The following CNTNAP2 variants were observed in gnomAD, a reference collection of about 807,000 sequenced individuals.
CNTNAP2 encodes the protein contactin-associated protein-like 2.
In CNTNAP2, 98 loss-of-function variants were observed where a neutral mutation model predicts 155.2. The ratio of observed to expected loss-of-function variants is 0.63; its 90% CI spans 0.54 to 0.75. CNTNAP2 has a LOEUF of 0.75. Ranked by LOEUF, CNTNAP2 falls within the 30% of genes least tolerant of loss-of-function variation. The pLI is 0.00. For synonymous variants in CNTNAP2, 651 were observed against 631.2 expected, an observed-to-expected ratio of 1.03 and a Z score of -0.47; for missense variants, 1,727 against 1,688.1, an observed-to-expected ratio of 1.02 and a Z score of -0.40.
intron 1 of CNTNAP2, among the ~76,000 whole-genome samples, chr7:146,138,180 A>T (rs966465380): frequency 1.3e-5 from 2 of 152,098 alleles, no homozygotes; most frequent in African/African-American, 2.4e-5. Flanking sequence ...TGTTATTTTA[A>T]CATTTTTTGT....
intron 10 of CNTNAP2, among the ~76,000 whole-genome samples, chr7:147,473,923 T>G (rs7781051): frequency 0.78 from 118,166 of 151,588 alleles, 46,415 homozygotes; most frequent in African/African-American, 0.87. Context: ...CTACTAAAAA[T>G]TCAAAATCAG....
chr7:147,360,622 C>T (rs1328177699), intron 9 of CNTNAP2, among the ~76,000 whole-genome samples: 1 of 151,716 alleles, frequency 6.6e-6, no homozygotes, highest in Non-Finnish European at 1.5e-5. Flanking sequence ...TCCTTTCTAC[C>T]ATAAATATTT....
rs141732803 is a variant in CNTNAP2, at chr7:147,837,106, G to A, written c.2099-66459G>A. On this transcript the variant is annotated intron_variant, in intron 13 of 23. Coordinates refer to ENST00000361727, the MANE Select transcript of CNTNAP2 (RefSeq NM_014141.6). Reference sequence around the variant, plus strand: ...ATAATCAATAAGCATGTTGGGTACCGTATTAGTCCATTTTCATGCTGCTAA... The same window carrying A: ...ATAATCAATAAGCATGTTGGGTACCATATTAGTCCATTTTCATGCTGCTAA... Among the ~76,000 whole-genome samples, 156 of 152,250 alleles carry A rather than the reference G, an allele frequency of 1.0e-3. 1 individual carries two copies. Among genetic ancestry groups the A allele is most frequent in the Admixed American group, 1.3e-3 (20 of 15,298 alleles).
In CNTNAP2 at chr7:148,364,337, G is replaced by C. The variant is rs1045531962; in HGVS notation, c.3476-19312G>C. ...CAGGGATTGTAAATACACCAATCGG[G>C]ACTCTATATCTAGCTCAAGGTTTGT... On this transcript the variant is annotated intron_variant, in intron 21 of 23. Transcript: ENST00000361727. 1.8e-4 allele frequency among the ~76,000 whole-genome samples: 28 copies of C among 151,956 alleles called. 1 individual carries two copies. The highest frequency in any genetic ancestry group is 4.1e-4 in the Non-Finnish European group (28 of 67,978).
chr7:147,762,053 C>T (rs1032032466), intron 13 of CNTNAP2, among the ~76,000 whole-genome samples: 6 of 152,030 alleles, frequency 3.9e-5, no homozygotes, highest in Admixed American at 6.5e-5. Context: ...CTTAGAATTT[C>T]CATCATAGTC....
intron 3 of CNTNAP2, among the ~76,000 whole-genome samples, chr7:146,870,745 G>T (rs1414471959): frequency 6.6e-6 from 1 of 152,036 alleles, no homozygotes; most frequent in Non-Finnish European, 1.5e-5. Flanking sequence ...TTGAGGTTGT[G>T]TCAATAGAGT....
At chr7:147,797,560 T>A (rs1276161060) in intron 13 of CNTNAP2, among the ~76,000 whole-genome samples, 1 of 152,176 alleles carries the variant, frequency 6.6e-6, no homozygotes, top group Non-Finnish European at 1.5e-5. Context: ...TTAACAGATA[T>A]TTTGTCAAAA....
intron 1 of CNTNAP2, among the ~76,000 whole-genome samples, chr7:146,158,873 T>C (rs1798171143): frequency 6.6e-6 from 1 of 152,118 alleles, no homozygotes; most frequent in Admixed American, 6.5e-5. Flanking sequence ...AACATTCAAC[T>C]TCAGGAAATA....
In CNTNAP2 at chr7:147,978,172, G is replaced by A. The variant is rs2373285; in HGVS notation, c.2383+183G>A. ...CCATAAAGCCTCCAGTACAGGAGCC[G>A]AGATTTGGGCATAAAGTGGGGATAT... On this transcript the variant is annotated intron_variant, in intron 15 of 23. Coordinates refer to ENST00000361727, the MANE Select transcript of CNTNAP2 (RefSeq NM_014141.6). 205,734 of 735,290 alleles carry A rather than the reference G, an allele frequency of 0.28. 33,271 individuals carry two copies. The highest frequency in any genetic ancestry group is 0.54 in the East Asian group (19,141 of 35,346). 45.5% of individuals were successfully genotyped at this position (735,290 alleles called of 1,614,324 possible). A position where few individuals can be genotyped will look rare whatever the true frequency, so the allele number is the denominator to read the frequency against.
At chr7:146,202,717 A>G (rs921411705) in intron 1 of CNTNAP2, among the ~76,000 whole-genome samples, 1 of 152,172 alleles carries the variant, frequency 6.6e-6, no homozygotes, top group African/African-American at 2.4e-5. Context: ...ATTTATAATA[A>G]TATACAAATT....
intron 13 of CNTNAP2, among the ~76,000 whole-genome samples, chr7:147,683,191 T>C (rs1299483133): frequency 6.6e-6 from 1 of 151,928 alleles, no homozygotes. Flanking sequence ...AGTTCACCTG[T>C]ACTCTGTGTA....
chr7:147,862,783 T>G (rs1379777967), intron 13 of CNTNAP2, among the ~76,000 whole-genome samples: 1 of 152,184 alleles, frequency 6.6e-6, no homozygotes, highest in Non-Finnish European at 1.5e-5. Flanking sequence ...GGAGTATTCC[T>G]CAAACCACTG....
intron 13 of CNTNAP2, among the ~76,000 whole-genome samples, chr7:147,696,476 C>T (rs1486473348): frequency 6.6e-6 from 1 of 152,026 alleles, no homozygotes; most frequent in Non-Finnish European, 1.5e-5. Flanking sequence ...ATTTTGAATC[C>T]CTCCTCCATA....
chr7:147,696,154 G>A (rs1337556971), intron 13 of CNTNAP2, among the ~76,000 whole-genome samples: 2 of 152,088 alleles, frequency 1.3e-5, no homozygotes, highest in African/African-American at 2.4e-5. Context: ...TTTAATTGGG[G>A]AATTTAGACC....
At chr7:147,672,055 A>G (rs1332146731) in intron 13 of CNTNAP2, 1 of 152,228 alleles carries the variant, frequency 6.6e-6, no homozygotes, top group African/African-American at 2.4e-5. Flanking sequence ...ACTAAAAAAA[A>G]GTACTTTAAA....
intron 8 of CNTNAP2, among the ~76,000 whole-genome samples, chr7:147,269,503 C>T (rs778708440): frequency 6.6e-5 from 10 of 152,048 alleles, no homozygotes; most frequent in Non-Finnish European, 1.0e-4. Context: ...CATGTGCAAC[C>T]GACTGCAATA....
intron 4 of CNTNAP2, among the ~76,000 whole-genome samples, chr7:147,060,843 G>T (rs958896236): frequency 7.0e-6 from 1 of 142,076 alleles, no homozygotes; most frequent in East Asian, 1.9e-4. Context: ...CAGCCTGGGG[G>T]ACAGAGCGAG....
chr7:146,116,863 C>A lies in CNTNAP2; in HGVS notation c.-14C>A. The A allele has an allele frequency of 1.9e-6, 3 of 1,538,744 alleles. No homozygotes were observed. The highest frequency in any genetic ancestry group is 2.6e-6 in the Non-Finnish European group (3 of 1,139,612). ...CAGCGAGCTCTTGGAGCGCCGCCGG[C>A]CGGGAGGCGAAGGATGCAGGCGGCT... On this transcript the variant is annotated 5_prime_UTR_variant, in exon 1 of 24. Coordinates refer to ENST00000361727, the MANE Select transcript of CNTNAP2 (RefSeq NM_014141.6). The surrounding 1 kb of genome is among the most constrained non-coding windows in gnomAD (Gnocchi z 5.5).
chr7:146,360,711 G>C (rs1292591275), intron 1 of CNTNAP2, among the ~76,000 whole-genome samples: 5 of 152,204 alleles, frequency 3.3e-5, no homozygotes, highest in African/African-American at 9.6e-5. Flanking sequence ...AGATGGAGCA[G>C]CTCCACTGTA....
Sources: gnomAD v4.1 joint callset for allele counts (sites outside exome capture counted in the v4.1 genomes callset) on GRCh38, gnomAD v4.1.1 for gene constraint, Gnocchi (gnomAD v3.1) non-coding constraint, MANE v1.5 for transcripts, NCBI Gene and HGNC (gene_info 2026-07-23, HGNC 2026-07-21) for gene names.